The following PCDHGB6 variants were observed in gnomAD, a reference collection of about 807,000 sequenced individuals.
PCDHGB6 encodes protocadherin gamma subfamily B, 6.
A neutral mutation model predicts 59.1 loss-of-function variants in PCDHGB6; 51 were observed. That is an observed-to-expected ratio of 0.86 (90% CI 0.69 to 1.09). PCDHGB6 has a LOEUF of 1.09. PCDHGB6 is among the 50% of genes least tolerant of loss of function. The pLI, the probability that PCDHGB6 is intolerant of heterozygous loss-of-function variation, is 0.00. For synonymous variants in PCDHGB6, 466 were observed against 495.1 expected (o/e 0.94, Z 0.78); for missense variants, 1,148 against 1,205.1 (o/e 0.95, Z 0.70).
rs2099668037 is a variant in PCDHGB6 at position 141,487,853 on chromosome 5, T to C, written c.2419-6954T>C. The C allele has an allele frequency of 1.0e-6, 1 of 984,708 alleles. No individual in the cohort carries two copies. The allele number at this position is 984,708 out of a possible 1,614,324, so 61.0% of individuals were successfully genotyped here. The stretch of plus-strand genomic sequence containing the variant: ...CCTATATCTGAGTAAGAAATGAAAG[T>C]AATTGGTGATCAAGAGCCAGGCTGT... On this transcript the variant is annotated intron_variant, in intron 1 of 3. Transcript: ENST00000520790. The surrounding 1 kb of genome is among the most constrained non-coding windows in gnomAD (Gnocchi z 5.0).
At chr5:141,475,600 T>A (rs1023916159) in intron 1 of PCDHGB6, among the ~76,000 whole-genome samples, 2 of 152,192 alleles carry the variant, frequency 1.3e-5, no homozygotes, top group Admixed American at 1.3e-4. Context: ...TTCCAGACAA[T>A]GTTGTGTAGT....
chr5:141,467,129 T>G (rs2099137740), intron 1 of PCDHGB6, among the ~76,000 whole-genome samples: 1 of 151,826 alleles, frequency 6.6e-6, no homozygotes, highest in Non-Finnish European at 1.5e-5. Context: ...CTCAGCTCAC[T>G]GCAACCTCTG....
chr5:141,422,907 G>C (rs1330364637), intron 1 of PCDHGB6: 4 of 1,614,078 alleles, frequency 2.5e-6, no homozygotes, highest in Non-Finnish European at 3.4e-6. Flanking sequence ...ACGACAATGC[G>C]CCCGAGATCC....
intron 1 of PCDHGB6, chr5:141,423,454 G>C (rs1323921797): frequency 1.9e-6 from 3 of 1,614,030 alleles, no homozygotes; most frequent in Non-Finnish European, 2.5e-6. Context: ...ACATTTTGTA[G>C]GCGTGGACGG....
At chr5:141,468,960 T>TC (rs1562019766) in intron 1 of PCDHGB6, among the ~76,000 whole-genome samples, 1 of 151,348 alleles carries the variant, frequency 6.6e-6, no homozygotes, top group African/African-American at 2.4e-5. Flanking sequence ...TGGTTTTTTT[T>TC]ACCTTAGGCT....
rs531285035 is a variant in PCDHGB6, at chr5:141,493,409, C to T, written c.2419-1398C>T. Among the ~76,000 whole-genome samples, 4 of 152,286 alleles carry T rather than the reference C, an allele frequency of 2.6e-5. No homozygotes were observed. The East Asian group carries it at 7.7e-4, about 29-fold the overall frequency. On this transcript the variant is annotated intron_variant, in intron 1 of 3. Coordinates refer to ENST00000520790, the MANE Select transcript of PCDHGB6 (RefSeq NM_018926.3). The surrounding 1 kb of genome is among the most constrained non-coding windows in gnomAD (Gnocchi z 4.3). Reference sequence around the variant, plus strand: ...GGACAGGAGAGGGGAGTTGCCTCTGCTGGGATTTTGCTTCTGCTGGGATGG... The same window carrying T: ...GGACAGGAGAGGGGAGTTGCCTCTGTTGGGATTTTGCTTCTGCTGGGATGG...
intron 1 of PCDHGB6, among the ~76,000 whole-genome samples, chr5:141,451,875 T>C (rs747595781): frequency 5.9e-5 from 9 of 151,594 alleles, no homozygotes; most frequent in Non-Finnish European, 1.3e-4. Context: ...AATGAAACCC[T>C]GTCAAGAAAG....
rs962300160 is a variant in PCDHGB6 at position 141,410,045 on chromosome 5, G to C, written c.1843G>C (p.Gly615Arg). The C allele has an allele frequency of 6.2e-7, 1 of 1,613,166 alleles. No homozygotes were observed. Reference sequence around the variant, plus strand: ...CCACGTGCTGCAGGCCAGTGAGCCCGGACTCTTCAGCCTGGGGCTGCGCAC... The same window carrying C: ...CCACGTGCTGCAGGCCAGTGAGCCCCGACTCTTCAGCCTGGGGCTGCGCAC... Reference protein sequence around the residue: ...SYHVLQASEPGLFSLGLRTGE... With the variant: ...SYHVLQASEPRLFSLGLRTGE... The change falls in exon 1 of 4, where the codon GGA becomes CGA. Residue 615 changes from glycine (G) to arginine (R), a missense_variant. Gly to Arg is a moderately radical substitution (Grantham distance 125). Coordinates refer to ENST00000520790, the MANE Select transcript of PCDHGB6 (RefSeq NM_018926.3).
chr5:141,425,478 G>A (rs2096877750), intron 1 of PCDHGB6, among the ~76,000 whole-genome samples: 1 of 152,148 alleles, frequency 6.6e-6, no homozygotes, highest in Admixed American at 6.5e-5. Flanking sequence ...AATTCCTATG[G>A]CAACCTACTA....
chr5:141,433,142 G>A, intron 1 of PCDHGB6: 2 of 1,614,108 alleles, frequency 1.2e-6, no homozygotes, highest in African/African-American at 1.3e-5. Flanking sequence ...TTTGCTGTCA[G>A]GTGATTCGGT....
intron 1 of PCDHGB6, chr5:141,416,273 T>C (rs891505781): frequency 8.5e-5 from 13 of 152,298 alleles, no homozygotes; most frequent in African/African-American, 3.1e-4. Flanking sequence ...CCTTTTTGCA[T>C]ACAATTCTCT....
intron 1 of PCDHGB6, chr5:141,424,561 T>C (rs972361161): frequency 7.9e-5 from 12 of 152,236 alleles, no homozygotes; most frequent in African/African-American, 2.9e-4. Flanking sequence ...TCAGTGCTTC[T>C]CAAAAACCTA....
intron 1 of PCDHGB6, among the ~76,000 whole-genome samples, chr5:141,482,329 T>A (rs1334833454): frequency 6.6e-6 from 1 of 152,160 alleles, no homozygotes; most frequent in Non-Finnish European, 1.5e-5. Context: ...ATAAAGAGAA[T>A]ATCTACTTTG....
Position 141,512,040 on chromosome 5 carries a change from A to G in PCDHGB6, c.*867A>G, listed in dbSNP as rs775766584. 1.3e-5 allele frequency: 2 copies of G among 152,838 alleles called. No homozygotes were observed. The highest frequency in any genetic ancestry group is 2.9e-5 in the Non-Finnish European group (2 of 68,198). 9.5% of individuals were successfully genotyped at this position (152,838 alleles called of 1,614,324 possible). A position where few individuals can be genotyped will look rare whatever the true frequency, so the allele number is the denominator to read the frequency against. ...ATCAAGGCCTTGGAGGAGGCTCTGT[A>G]TGTCCTCAGGGGACTGACAACATCC... On this transcript the variant is annotated 3_prime_UTR_variant, in exon 4 of 4. Coordinates refer to ENST00000520790, the MANE Select transcript of PCDHGB6 (RefSeq NM_018926.3).
Position 141,491,754 on chromosome 5 carries a change from C to T in PCDHGB6, c.2419-3053C>T. ...CCCCTGGGGGCGGCACTGGAGAAGC[C>T]GCCCGTCCTCATAAGGGATTGAACT... On this transcript the variant is annotated intron_variant, in intron 1 of 3. Transcript: ENST00000520790. The surrounding 1 kb of genome is among the most constrained non-coding windows in gnomAD (Gnocchi z 6.9). 5.7e-6 allele frequency: 9 copies of T among 1,582,682 alleles called. No individual in the cohort carries two copies. The highest frequency in any genetic ancestry group is 7.7e-6 in the Non-Finnish European group (9 of 1,165,614).
chr5:141,451,676 G>A (rs1363843426), intron 1 of PCDHGB6, among the ~76,000 whole-genome samples: 1 of 152,142 alleles, frequency 6.6e-6, no homozygotes, highest in African/African-American at 2.4e-5. Flanking sequence ...GAGCCCAGGA[G>A]TTCAAGACCA....
At chr5:141,423,500 T>A (rs1191111288) in intron 1 of PCDHGB6, 1 of 1,613,732 alleles carries the variant, frequency 6.2e-7, no homozygotes, top group Non-Finnish European at 8.5e-7. Flanking sequence ...TCCCACGAGG[T>A]CTCTCTCATT....
rs745760240 is a variant in PCDHGB6 at position 141,408,572 on chromosome 5, G to A, written c.370G>A (p.Glu124Lys). 4.3e-6 allele frequency: 7 copies of A among 1,614,048 alleles called. No homozygotes were observed. Among genetic ancestry groups the A allele is most frequent in the East Asian group, 2.2e-5 (1 of 44,880 alleles). The change falls in exon 1 of 4, where the codon GAG becomes AAG. Residue 124 changes from glutamate (E) to lysine (K), a missense_variant. Transcript: ENST00000520790. The part of the protein sequence containing the change: ...LNIFHVIVVI[E>K]DVNDHAPQFD... ...TATTTTTCATGTCATTGTGGTGATT[G>A]AGGATGTTAATGACCACGCCCCTCA... is the stretch of plus-strand genomic sequence containing the variant.
intron 1 of PCDHGB6, among the ~76,000 whole-genome samples, chr5:141,430,366 A>G (rs551419486): frequency 3.3e-5 from 5 of 150,370 alleles, no homozygotes; most frequent in Admixed American, 6.7e-5. Context: ...CTCATTGGGG[A>G]AAAAAAAGCT....
Sources: allele counts gnomAD v4.1 joint callset (sites outside exome capture counted in the v4.1 genomes callset), GRCh38; gene constraint gnomAD v4.1.1; non-coding constraint Gnocchi (gnomAD v3.1); transcripts MANE v1.5; gene names NCBI Gene and HGNC (gene_info 2026-07-23, HGNC 2026-07-21).